The following CCDC15 variants were observed in gnomAD, a reference collection of about 807,000 sequenced individuals.
The protein encoded by CCDC15 is coiled-coil domain-containing protein 15.
CCDC15 carries 105 observed loss-of-function variants against 114.5 expected under a neutral mutation model. The ratio of observed to expected loss-of-function variants is 0.92; its 90% CI spans 0.78 to 1.08. The LOEUF is 1.08. CCDC15 is among the 50% of genes least tolerant of loss of function. The pLI is 0.00. For synonymous variants in CCDC15, 334 were observed against 377.8 expected, an observed-to-expected ratio of 0.88 and a Z score of 1.34; for missense variants, 1,105 against 1,093.6, an observed-to-expected ratio of 1.01 and a Z score of -0.15.
rs1160280302 is a variant in CCDC15, at chr11:124,959,996, C to T, written c.509C>T (p.Ala170Val). 1.9e-6 allele frequency: 3 copies of T among 1,559,878 alleles called. No individual in the cohort carries two copies. The highest frequency in any genetic ancestry group is 1.7e-6 in the Non-Finnish European group (2 of 1,151,038). Residue 170 changes from alanine (A) to valine (V), a missense_variant, in exon 4 of 16, where the codon GCC (alanine) becomes GTC (valine). By Grantham distance (64) the Ala-to-Val change is moderately conservative. Transcript: ENST00000344762. Reference protein sequence around the residue: ...ENQNELFQQQAQALSETMKQA... With the variant: ...ENQNELFQQQVQALSETMKQA... Reference sequence around the variant, plus strand: ...CAGAACGAATTATTCCAACAACAAGCCCAGGCTGTAAGTACCTGTTCTTTT... The same window carrying T: ...CAGAACGAATTATTCCAACAACAAGTCCAGGCTGTAAGTACCTGTTCTTTT...
chr11:125,017,954 A>G (rs1368690652), intron 13 of CCDC15, among the ~76,000 whole-genome samples: 1 of 152,166 alleles, frequency 6.6e-6, no homozygotes, highest in African/African-American at 2.4e-5. Flanking sequence ...GAGTTATTAT[A>G]AAAGAGTCAA....
At chr11:124,962,549 T>C (rs996950445) in intron 4 of CCDC15, among the ~76,000 whole-genome samples, 7 of 152,248 alleles carry the variant, frequency 4.6e-5, no homozygotes, top group African/African-American at 1.7e-4. Flanking sequence ...CTGTATATGT[T>C]TGAAGTTTTC....
At chr11:125,029,394 T>C (rs1461664943) in intron 13 of CCDC15, among the ~76,000 whole-genome samples, 4 of 152,182 alleles carry the variant, frequency 2.6e-5, no homozygotes, top group Non-Finnish European at 5.9e-5. Context: ...CCTAGCATAA[T>C]ACAACTATTC....
chr11:124,987,215 C>T lies in CCDC15; in HGVS notation c.989C>T (p.Pro330Leu), dbSNP rs1036186994. Residue 330 changes from proline to leucine, a missense_variant, in exon 8 of 16, where the codon CCA becomes CTA. Transcript: ENST00000344762. ...LHFEGLQDILPEAQDYFLEAQ... is the reference protein window; with the variant it reads ...LHFEGLQDILLEAQDYFLEAQ... ...TTTGAGGGCCTTCAGGATATTCTGCCAGAAGCCCAGGATTATTTTCTAGAA... is the reference window on the plus strand; with the variant it reads ...TTTGAGGGCCTTCAGGATATTCTGCTAGAAGCCCAGGATTATTTTCTAGAA... The T allele has an allele frequency of 2.6e-6, 4 of 1,540,620 alleles. No individual in the cohort carries two copies. Among genetic ancestry groups the T allele is most frequent in the Non-Finnish European group, 3.5e-6 (4 of 1,150,458 alleles).
intron 11 of CCDC15, among the ~76,000 whole-genome samples, chr11:125,000,076 C>T (rs1049692824): frequency 1.3e-4 from 20 of 151,412 alleles, no homozygotes; most frequent in Non-Finnish European, 2.7e-4. Context: ...TTGGCCAGGC[C>T]GGTCTTGAAC....
At chr11:124,984,843 A>C (rs1948130540) in intron 6 of CCDC15, among the ~76,000 whole-genome samples, 1 of 149,898 alleles carries the variant, frequency 6.7e-6, no homozygotes, top group South Asian at 2.1e-4. Flanking sequence ...CCCTCTGTCC[A>C]CTCTTAATGC....
intron 13 of CCDC15, among the ~76,000 whole-genome samples, chr11:125,023,091 C>T (rs1351553087): frequency 7.9e-5 from 12 of 151,812 alleles, no homozygotes; most frequent in Admixed American, 6.6e-5. Flanking sequence ...AAGTCTTTGC[C>T]TAACCCAAGG....
chr11:124,989,987 G>T (rs1948241374), intron 8 of CCDC15, among the ~76,000 whole-genome samples: 1 of 152,192 alleles, frequency 6.6e-6, no homozygotes, highest in Non-Finnish European at 1.5e-5. Context: ...CTTTTCCTTT[G>T]CATTCACACA....
chr11:125,006,850 TG>T (rs1948555723), intron 13 of CCDC15, among the ~76,000 whole-genome samples: 1 of 152,234 alleles, frequency 6.6e-6, no homozygotes, highest in Non-Finnish European at 1.5e-5. Context: ...TTCTGTTTTT[TG>T]GACTTGGTTC....
chr11:125,011,129 A>G (rs1227071055), intron 13 of CCDC15, among the ~76,000 whole-genome samples: 1 of 151,958 alleles, frequency 6.6e-6, no homozygotes, highest in Non-Finnish European at 1.5e-5. Flanking sequence ...ATGAAAAAAA[A>G]ATAAACCTTT....
At chr11:125,023,744 A>G (rs1422783519) in intron 13 of CCDC15, among the ~76,000 whole-genome samples, 2 of 152,030 alleles carry the variant, frequency 1.3e-5, no homozygotes, top group South Asian at 2.1e-4. Context: ...CCAAATGTCC[A>G]ATAGCTGATG....
intron 8 of CCDC15, among the ~76,000 whole-genome samples, chr11:124,990,248 C>A (rs117263231): frequency 1.3e-5 from 2 of 152,266 alleles, no homozygotes; most frequent in East Asian, 3.9e-4. Context: ...AGAACACACA[C>A]AACATTTATC....
At chr11:124,969,019 G>A (rs894877333) in intron 4 of CCDC15, among the ~76,000 whole-genome samples, 3 of 152,120 alleles carry the variant, frequency 2.0e-5, no homozygotes, top group South Asian at 4.2e-4. Context: ...AAATAAGATA[G>A]CATCTGAGAG....
intron 11 of CCDC15, among the ~76,000 whole-genome samples, chr11:125,003,501 T>C (rs1476410705): frequency 1.3e-5 from 2 of 151,956 alleles, no homozygotes; most frequent in African/African-American, 4.8e-5. Context: ...AGTGATCATA[T>C]ATAGAATTGA....
intron 6 of CCDC15, among the ~76,000 whole-genome samples, chr11:124,983,868 G>A (rs780320523): frequency 6.6e-6 from 1 of 152,138 alleles, no homozygotes; most frequent in Non-Finnish European, 1.5e-5. Context: ...TTGCAGTGCT[G>A]CACCAGAGGA....
At chr11:124,993,968 T>G (rs1434961400) in intron 11 of CCDC15, among the ~76,000 whole-genome samples, 1 of 152,200 alleles carries the variant, frequency 6.6e-6, no homozygotes, top group African/African-American at 2.4e-5. Context: ...TGAAGATTGC[T>G]TCGCAGGTAG....
intron 4 of CCDC15, among the ~76,000 whole-genome samples, chr11:124,964,250 G>A (rs1279010943): frequency 1.3e-5 from 2 of 152,080 alleles, no homozygotes; most frequent in East Asian, 1.9e-4. Context: ...CCATTTTCAC[G>A]ATATTGATTC....
chr11:125,026,972 G>A (rs772807474), intron 13 of CCDC15, among the ~76,000 whole-genome samples: 2 of 152,032 alleles, frequency 1.3e-5, no homozygotes, highest in African/African-American at 4.8e-5. Context: ...CCACTTATAA[G>A]TGAAAACATA....
intron 8 of CCDC15, among the ~76,000 whole-genome samples, chr11:124,989,449 G>T (rs1327905006): frequency 6.6e-6 from 1 of 152,200 alleles, no homozygotes; most frequent in African/African-American, 2.4e-5. Context: ...TGGTAAATGT[G>T]CATTGGCTTC....
Sources: gnomAD v4.1 joint callset for allele counts (sites outside exome capture counted in the v4.1 genomes callset) on GRCh38, gnomAD v4.1.1 for gene constraint, MANE v1.5 for transcripts, NCBI Gene and HGNC (gene_info 2026-07-23, HGNC 2026-07-21) for gene names.